Variants in CDH18 observed in about 807,000 individuals in gnomAD.
CDH18 encodes the protein cadherin-18.
A neutral mutation model predicts 67.9 loss-of-function variants in CDH18; 31 were observed. The ratio of observed to expected loss-of-function variants is 0.46; its 90% CI spans 0.34 to 0.62. CDH18 has a LOEUF of 0.62. Among genes scored for constraint, CDH18 ranks in the 20% least tolerant of loss-of-function variants. The pLI is 0.01. For missense variants in CDH18, 890 were observed against 975.5 expected, an observed-to-expected ratio of 0.91 and a Z score of 1.17; for synonymous variants, 362 against 347.2, an observed-to-expected ratio of 1.04 and a Z score of -0.48.
intron 1 of CDH18, among the ~76,000 whole-genome samples, chr5:20,489,185 AG>A (rs1399031028): frequency 1.3e-5 from 2 of 152,050 alleles, no homozygotes; most frequent in African/African-American, 4.8e-5. Flanking sequence ...TGTAAACACA[AG>A]CTGTTCTCCT....
At chr5:19,685,969 T>C (rs1347193521) in intron 5 of CDH18, among the ~76,000 whole-genome samples, 1 of 152,162 alleles carries the variant, frequency 6.6e-6, no homozygotes, top group Non-Finnish European at 1.5e-5. Context: ...TGGGAAATTT[T>C]ACATGTGCCA....
chr5:19,985,816 G>C (rs960702064), intron 1 of CDH18, among the ~76,000 whole-genome samples: 2 of 151,928 alleles, frequency 1.3e-5, no homozygotes, highest in African/African-American at 4.8e-5. Context: ...TTCTTCACTA[G>C]ACTTCACTGT....
chr5:20,354,810 T>A (rs1174464215), intron 1 of CDH18, among the ~76,000 whole-genome samples: 1 of 152,126 alleles, frequency 6.6e-6, no homozygotes, highest in East Asian at 1.9e-4. Flanking sequence ...CAATCAGAGA[T>A]CTGAGTTGGT....
intron 1 of CDH18, among the ~76,000 whole-genome samples, chr5:20,275,929 T>A (rs549241600): frequency 6.6e-6 from 1 of 152,248 alleles, no homozygotes; most frequent in Admixed American, 6.5e-5. Flanking sequence ...GGTTGCTCTA[T>A]CACAGTGAGT....
intron 2 of CDH18, among the ~76,000 whole-genome samples, chr5:19,948,909 T>C (rs1434354765): frequency 1.3e-5 from 2 of 152,186 alleles, no homozygotes; most frequent in South Asian, 4.1e-4. Context: ...TAAGGAAAGC[T>C]AGTGTATTAG....
chr5:20,146,107 C>A (rs746367698), intron 2 of CDH18, among the ~76,000 whole-genome samples: 18 of 151,992 alleles, frequency 1.2e-4, no homozygotes, highest in Admixed American at 2.6e-4. Flanking sequence ...TAGAATGGGC[C>A]TCTCTCAGAT....
At chr5:19,994,180 G>T (rs1277564032) in intron 2 of CDH18, among the ~76,000 whole-genome samples, 1 of 151,884 alleles carries the variant, frequency 6.6e-6, no homozygotes, top group African/African-American at 2.4e-5. Context: ...TCAACTGAAT[G>T]AATGCAATCT....
intron 1 of CDH18, among the ~76,000 whole-genome samples, chr5:20,441,545 TA>T (rs1445826233): frequency 2.0e-5 from 3 of 151,760 alleles, no homozygotes; most frequent in Admixed American, 1.3e-4. Flanking sequence ...ACCTTTCATA[TA>T]AAAAAGGGCC....
intron 7 of CDH18, among the ~76,000 whole-genome samples, chr5:19,572,179 GT>G (rs896394701): frequency 2.0e-4 from 31 of 152,192 alleles, no homozygotes; most frequent in Admixed American, 2.0e-3. Flanking sequence ...TTTGGAAAGT[GT>G]TTAGCATGAT....
intron 1 of CDH18, among the ~76,000 whole-genome samples, chr5:20,473,972 AT>A (rs1187788017): frequency 2.0e-5 from 3 of 152,186 alleles, no homozygotes; most frequent in African/African-American, 4.8e-5. Context: ...ACTAGTAAAA[AT>A]ATCATCCTTT....
intron 1 of CDH18, among the ~76,000 whole-genome samples, chr5:20,543,015 G>A (rs1757138862): frequency 6.6e-6 from 1 of 151,832 alleles, no homozygotes; most frequent in African/African-American, 2.4e-5. Context: ...GGCGTTTCAT[G>A]GCTAAATAAG....
intron 4 of CDH18, among the ~76,000 whole-genome samples, chr5:19,731,125 A>G (rs1457336515): frequency 2.0e-5 from 3 of 152,108 alleles, no homozygotes; most frequent in African/African-American, 7.2e-5. Context: ...ACACATTTTC[A>G]TCATATAGGC....
At chr5:19,653,841 G>C (rs190069784) in intron 5 of CDH18, among the ~76,000 whole-genome samples, 1 of 152,206 alleles carries the variant, frequency 6.6e-6, no homozygotes, top group Admixed American at 6.5e-5. Flanking sequence ...CAAGGTAAAC[G>C]GGAGAATTCC....
intron 11 of CDH18, among the ~76,000 whole-genome samples, chr5:19,501,184 T>G (rs1237826263): frequency 1.4e-5 from 2 of 148,082 alleles, no homozygotes; most frequent in East Asian, 3.9e-4. Context: ...AAAATATATA[T>G]AATTACAATT....
intron 7 of CDH18, among the ~76,000 whole-genome samples, chr5:19,589,499 A>G (rs1744741189): frequency 6.6e-6 from 1 of 152,100 alleles, no homozygotes; most frequent in Non-Finnish European, 1.5e-5. Context: ...TCACCTTTGT[A>G]TCCACATCCT....
At chr5:20,497,454 G>A (rs1420687076) in intron 1 of CDH18, among the ~76,000 whole-genome samples, 1 of 152,086 alleles carries the variant, frequency 6.6e-6, no homozygotes, top group Non-Finnish European at 1.5e-5. Context: ...ATTGTTTACA[G>A]TATTCAGTAC....
chr5:19,955,813 A>G (rs1796206409), intron 2 of CDH18, among the ~76,000 whole-genome samples: 1 of 152,094 alleles, frequency 6.6e-6, no homozygotes, highest in African/African-American at 2.4e-5. Flanking sequence ...AACAGGTGTG[A>G]AAACAGATTT....
At chr5:20,519,017 C>T (rs1422491790) in intron 1 of CDH18, among the ~76,000 whole-genome samples, 1 of 151,962 alleles carries the variant, frequency 6.6e-6, no homozygotes, top group Non-Finnish European at 1.5e-5. Context: ...ATTTAGAAAA[C>T]AGAAAAAGCC....
chr5:19,787,061 C>T (rs561008565), intron 3 of CDH18, among the ~76,000 whole-genome samples: 2 of 152,204 alleles, frequency 1.3e-5, no homozygotes, highest in African/African-American at 4.8e-5. Flanking sequence ...GGGAAATGCC[C>T]GCTGAGAAGG....
Sources: gnomAD v4.1 joint callset for allele counts (sites outside exome capture counted in the v4.1 genomes callset) on GRCh38, gnomAD v4.1.1 for gene constraint, MANE v1.5 for transcripts, NCBI Gene and HGNC (gene_info 2026-07-23, HGNC 2026-07-21) for gene names.